The following IPP variants were observed in gnomAD, a reference collection of about 807,000 sequenced individuals.
IPP encodes actin-binding protein IPP.
A neutral mutation model predicts 64.1 loss-of-function variants in IPP; 41 were observed. The ratio of observed to expected loss-of-function variants is 0.64; its 90% CI spans 0.50 to 0.83. IPP has a LOEUF of 0.83. IPP is among the 40% of genes least tolerant of loss of function. The probability of loss-of-function intolerance (pLI) is 0.00; values close to 1 mark genes in which losing one functional copy is unlikely to be tolerated. For missense variants in IPP, 649 were observed against 703.0 expected, an observed-to-expected ratio of 0.92 and a Z score of 0.87; for synonymous variants, 214 against 235.2, an observed-to-expected ratio of 0.91 and a Z score of 0.83.
At chr1:45,742,645 C>T (rs1269493073) in intron 2 of IPP, among the ~76,000 whole-genome samples, 5 of 151,970 alleles carry the variant, frequency 3.3e-5, no homozygotes, top group Non-Finnish European at 7.4e-5. Flanking sequence ...GTGAGCCTCC[C>T]ACCTCAACCT....
intron 5 of IPP, among the ~76,000 whole-genome samples, chr1:45,720,996 A>G (rs777512707): frequency 2.0e-5 from 3 of 152,206 alleles, no homozygotes; most frequent in African/African-American, 2.4e-5. Flanking sequence ...ATTTGACTAC[A>G]CTAAAATTAA....
At chr1:45,705,463 C>T (rs1645502344) in intron 8 of IPP, among the ~76,000 whole-genome samples, 2 of 152,138 alleles carry the variant, frequency 1.3e-5, no homozygotes, top group African/African-American at 4.8e-5. Context: ...CAAACTTGCC[C>T]TCTGACCCTA....
At chr1:45,725,560 G>A (rs1645811703) in intron 5 of IPP, among the ~76,000 whole-genome samples, 1 of 137,740 alleles carries the variant, frequency 7.3e-6, no homozygotes, top group Admixed American at 7.2e-5. Context: ...GAGCCCCTCT[G>A]CCCGGCCACG....
rs779166797 is a variant in IPP, at chr1:45,699,995, G to A, written c.1726C>T (p.Arg576Cys). 6 of 1,613,952 alleles carry A rather than the reference G, an allele frequency of 3.7e-6. No homozygotes were observed. In the East Asian group the frequency reaches 8.9e-5, roughly 24 times the overall value. ...WTEIGNMITSRCEGGVAVL is the reference protein window; with the variant it reads ...WTEIGNMITSCCEGGVAVL ...AGCACAGCAACGCCCCCTTCACAAC[G>A]ACTGGTGATCATGTTACCAATTTCT... is the stretch of plus-strand genomic sequence containing the variant. Residue 576 changes from arginine to cysteine, a missense_variant, in exon 9 of 9, where the codon CGT becomes TGT. Physicochemically the swap from Arg to Cys is radical, Grantham distance 180 (BLOSUM62 -3). Coordinates refer to ENST00000396478, the MANE Select transcript of IPP (RefSeq NM_005897.3).
At chr1:45,747,349 A>G (rs1305099877) in intron 1 of IPP, among the ~76,000 whole-genome samples, 1 of 152,102 alleles carries the variant, frequency 6.6e-6, no homozygotes, top group African/African-American at 2.4e-5. Flanking sequence ...GTGAGAAGAA[A>G]AGATAATCTT....
intron 3 of IPP, among the ~76,000 whole-genome samples, chr1:45,731,250 G>A (rs1266954459): frequency 6.6e-6 from 1 of 152,108 alleles, no homozygotes; most frequent in Non-Finnish European, 1.5e-5. Context: ...AGACCAGCCT[G>A]GGCAACACAG....
At chr1:45,701,624 C>T (rs1383767736) in intron 8 of IPP, among the ~76,000 whole-genome samples, 2 of 152,166 alleles carry the variant, frequency 1.3e-5, no homozygotes, top group Non-Finnish European at 2.9e-5. Context: ...CGTCCATACT[C>T]AGAAAACAAG....
rs973697165 is a variant in IPP, at chr1:45,701,091, T to C, written c.1531-901A>G. On this transcript the variant is annotated intron_variant, in intron 8 of 8. Transcript: ENST00000396478. ...GGTATAGCCTGAGAACAAACAATGA[T>C]TTTCCCATATTAAAAGGTATTTTTT... Among the ~76,000 whole-genome samples, 14 of 152,300 alleles carry C rather than the reference T, an allele frequency of 9.2e-5. No homozygotes were observed. The East Asian group carries it at 2.7e-3, about 29-fold the overall frequency.
chr1:45,738,302 TTTAG>T (rs1646006784), intron 3 of IPP, among the ~76,000 whole-genome samples: 1 of 143,304 alleles, frequency 7.0e-6, no homozygotes, highest in African/African-American at 2.5e-5. Flanking sequence ...CCACAGTCTA[TTTAG>T]TGTCATTTTT....
intron 7 of IPP, 126 bp downstream of exon 7, chr1:45,716,769 T>C (rs1486357351): frequency 4.4e-6 from 3 of 677,830 alleles, no homozygotes; most frequent in Non-Finnish European, 7.3e-6. Context: ...GCAGAACTTC[T>C]ATGCTGCTAG....
chr1:45,741,285 C>T lies in IPP; in HGVS notation c.340G>A (p.Ala114Thr). 1 of 1,613,902 alleles carries T rather than the reference C, an allele frequency of 6.2e-7. No individual in the cohort carries two copies. The highest frequency in any genetic ancestry group is 8.5e-7 in the Non-Finnish European group (1 of 1,179,844). Residue 114 changes from alanine to threonine, a missense_variant, in exon 3 of 9, where the codon GCA becomes ACA. Transcript: ENST00000396478. ...ACTTCAGTCAACTGTAGCATGTCTG[C>T]TGCAATAATCAACTCCTGGACATTA... ...VNNVQELIIA[A>T]DMLQLTEVVH...
intron 8 of IPP, among the ~76,000 whole-genome samples, chr1:45,708,679 C>CAAAAA (rs770829388): frequency 2.8e-5 from 1 of 36,028 alleles, no homozygotes; most frequent in Admixed American, 2.9e-4. Flanking sequence ...AACTCACCTC[C>CAAAAA]AAAAAAAAAA....
chr1:45,736,080 T>C (rs1486199582), intron 3 of IPP, among the ~76,000 whole-genome samples: 1 of 150,144 alleles, frequency 6.7e-6, no homozygotes, highest in Admixed American at 6.7e-5. Context: ...CACTGCGTTC[T>C]AGCTTCAGTG....
downstream of IPP, chr1:45,696,985 A>G (rs569127217): frequency 3.9e-5 from 6 of 152,330 alleles, no homozygotes; most frequent in South Asian, 1.0e-3. Context: ...TTGTAGAAGT[A>G]TTTTGTAAAT....
In IPP at chr1:45,714,369, A is replaced by T. The variant is rs1252418228; in HGVS notation, c.1407T>A (p.Pro469=). Residue 469 remains proline, a synonymous_variant, in exon 8 of 9, where the codon CCT becomes CCA. Transcript: ENST00000396478. ...DPLSKRWSPL[P]PMGTRRAYLG... ...GATATGCTCTCCTGGTTCCCATTGG[A>T]GGAAGTGGAGACCAACGCTTAGAAA... The T allele has an allele frequency of 6.2e-7, 1 of 1,614,000 alleles. No homozygotes were observed. The highest frequency in any genetic ancestry group is 8.5e-7 in the Non-Finnish European group (1 of 1,179,844).
chr1:45,724,029 C>T (rs1201672000), intron 5 of IPP, among the ~76,000 whole-genome samples: 2 of 148,390 alleles, frequency 1.3e-5, no homozygotes, highest in South Asian at 2.2e-4. Context: ...CCTCTGATGC[C>T]GAGCCAAAGC....
At position 45,727,727 on chromosome 1, in the gene IPP, T is replaced by C; in HGVS notation, c.952A>G (p.Thr318Ala). 6.3e-7 allele frequency: 1 copy of C among 1,599,128 alleles called. No individual in the cohort carries two copies. The highest frequency in any genetic ancestry group is 1.3e-5 in the African/African-American group (1 of 74,724). ...RALSCVERFD[T>A]FSQYWTTVSS... ...ACAGTGGTCCAGTACTGGCTAAAGG[T>C]GTCAAAACGTTCTACACAGCTGAGG... The change falls in exon 5 of 9, where the codon ACC (threonine) becomes GCC (alanine). Residue 318 changes from threonine (T) to alanine (A), a missense_variant. Transcript: ENST00000396478.
intron 3 of IPP, among the ~76,000 whole-genome samples, chr1:45,733,261 C>T (rs1474789390): frequency 1.3e-5 from 2 of 151,178 alleles, no homozygotes; most frequent in African/African-American, 4.9e-5. Context: ...CCCATCTCTA[C>T]TAAAAATACA....
chr1:45,722,211 G>C (rs1210516101), intron 5 of IPP, among the ~76,000 whole-genome samples: 1 of 151,948 alleles, frequency 6.6e-6, no homozygotes, highest in East Asian at 1.9e-4. Flanking sequence ...CCGAGACTGA[G>C]CCACTGCCCT....
Sources: gnomAD v4.1 joint callset for allele counts (sites outside exome capture counted in the v4.1 genomes callset) on GRCh38, gnomAD v4.1.1 for gene constraint, MANE v1.5 for transcripts, NCBI Gene and HGNC (gene_info 2026-07-23, HGNC 2026-07-21) for gene names.